The following POLR1C variants were observed in gnomAD, a reference collection of about 807,000 sequenced individuals.
POLR1C encodes the protein DNA-directed RNA polymerases I and III subunit RPAC1.
POLR1C carries 42 observed loss-of-function variants against 38.3 expected under a neutral mutation model. The ratio of observed to expected loss-of-function variants is 1.10; its 90% CI spans 0.86 to 1.42. The LOEUF is 1.42. Ranked by LOEUF, POLR1C falls within the 40% of genes most tolerant of loss-of-function variation. POLR1C has a pLI of 0.00. For missense variants in POLR1C, 507 were observed against 450.5 expected, an observed-to-expected ratio of 1.13 and a Z score of -1.14; for synonymous variants, 163 against 163.9, an observed-to-expected ratio of 0.99 and a Z score of 0.04.
At chr6:43,561,113 T>G in intron 10 of POLR1C, 1 of 948,060 alleles carries the variant, frequency 1.1e-6, no homozygotes. Flanking sequence ...AAAAATGTTG[T>G]TTCAAAAGGA....
intron 10 of POLR1C, chr6:43,560,866 G>A: frequency 7.5e-7 from 1 of 1,339,216 alleles, no homozygotes; most frequent in South Asian, 1.2e-5. Context: ...TCAGGACACA[G>A]TGCTTGACAT....
intron 8 of POLR1C, chr6:43,528,808 G>A (rs777099513): frequency 6.2e-7 from 1 of 1,609,568 alleles, no homozygotes; most frequent in South Asian, 1.1e-5. Context: ...TTTGCTTCCT[G>A]TTCCTGACTT....
chr6:43,522,217 T>C (rs1793231073), downstream of POLR1C: 2 of 152,452 alleles, frequency 1.3e-5, no homozygotes, highest in Admixed American at 6.5e-5. Flanking sequence ...TTCAGAAAGC[T>C]TGAAAGACCA....
chr6:43,523,964 C>G, downstream of POLR1C: 1 of 1,613,896 alleles, frequency 6.2e-7, no homozygotes, highest in Non-Finnish European at 8.5e-7. Context: ...AGGGAAGATT[C>G]TTAATGTGAA....
intron 10 of POLR1C, chr6:43,553,700 G>GAACCTTCACCTACCTCAT: frequency 2.4e-6 from 3 of 1,234,762 alleles, no homozygotes; most frequent in Non-Finnish European, 3.1e-6. Flanking sequence ...AATGAGGTAG[G>GAACCTTCACCTACCTCAT]TGAAGGTTCC....
At chr6:43,543,141 A>G (rs1202684528) in intron 9 of POLR1C, among the ~76,000 whole-genome samples, 1 of 152,196 alleles carries the variant, frequency 6.6e-6, no homozygotes, top group Non-Finnish European at 1.5e-5. Context: ...TCATTTTCAC[A>G]AAGTTCAAAA....
intron 10 of POLR1C, chr6:43,560,787 T>C (rs1447231157): frequency 1.9e-5 from 14 of 728,474 alleles, no homozygotes; most frequent in South Asian, 7.0e-5. Flanking sequence ...ATTCTCTTAA[T>C]GAAATGACAC....
chr6:43,520,571 T>G, intron 6 of POLR1C, 54 bp from the exon 7 acceptor site: 3 of 1,606,260 alleles, frequency 1.9e-6, no homozygotes, highest in Non-Finnish European at 2.6e-6. Flanking sequence ...AGGAGGAGTA[T>G]TCTTCCTAAC....
chr6:43,528,543 G>A (rs1394345268), intron 8 of POLR1C, among the ~76,000 whole-genome samples: 2 of 152,094 alleles, frequency 1.3e-5, no homozygotes, highest in African/African-American at 4.8e-5. Context: ...AGCATTCCTG[G>A]CAAGGGTCTG....
intron 10 of POLR1C, among the ~76,000 whole-genome samples, chr6:43,556,636 T>C (rs1204573425): frequency 2.6e-5 from 4 of 152,104 alleles, no homozygotes; most frequent in African/African-American, 9.7e-5. Context: ...AAACTTGCAA[T>C]TGCCATATTA....
intron 10 of POLR1C, among the ~76,000 whole-genome samples, chr6:43,556,389 G>T (rs898695986): frequency 6.6e-6 from 1 of 152,026 alleles, no homozygotes; most frequent in South Asian, 2.1e-4. Context: ...GCCAGGTGTG[G>T]TGGCATGCTC....
At chr6:43,525,650 A>T, downstream of POLR1C, 1 of 607,418 alleles carries the variant, frequency 1.6e-6, no homozygotes, top group Non-Finnish European at 2.8e-6. Context: ...GCTCCTGCCT[A>T]TGCTGGTATG....
chr6:43,552,637 G>A (rs1013569191), intron 10 of POLR1C, among the ~76,000 whole-genome samples: 1 of 152,236 alleles, frequency 6.6e-6, no homozygotes, highest in Non-Finnish European at 1.5e-5. Context: ...ACAGGCATGA[G>A]CTACTGCGCC....
chr6:43,531,333 T>C (rs1018002615), downstream of POLR1C: 17 of 723,112 alleles, frequency 2.4e-5, no homozygotes, highest in Non-Finnish European at 3.6e-5. Flanking sequence ...CAGGCTTTCA[T>C]TTCTATTTAA....
At chr6:43,547,596 G>A (rs1196876930) in intron 9 of POLR1C, 1 of 1,613,478 alleles carries the variant, frequency 6.2e-7, no homozygotes, top group African/African-American at 1.3e-5. Flanking sequence ...CCCATTCCCA[G>A]GAAAGTCTTA....
In POLR1C at chr6:43,520,271, C is replaced by T. The variant is rs950125476; in HGVS notation, c.503-4C>T. On this transcript the variant is annotated splice_region_variant and splice_polypyrimidine_tract_variant and intron_variant, in intron 5 of 8. Transcript: ENST00000642195. ...TGAGATCTTCTGACATGTTTTTCCT[C>T]CAGTGTATACCAGGCATATGACATG... 9.3e-6 allele frequency: 15 copies of T among 1,612,840 alleles called. No homozygotes were observed. The highest frequency in any genetic ancestry group is 1.3e-5 in the Non-Finnish European group (15 of 1,180,014).
downstream of POLR1C, chr6:43,531,347 T>C: frequency 2.5e-6 from 2 of 797,780 alleles, no homozygotes; most frequent in Non-Finnish European, 4.1e-6. Context: ...TATTTAACAC[T>C]AGAATGATAA....
chr6:43,551,135 A>T, intron 10 of POLR1C: 1 of 603,144 alleles, frequency 1.7e-6, no homozygotes. Context: ...GCATGCTTGT[A>T]GTCTCAGCTA....
downstream of POLR1C, chr6:43,526,342 C>CTTCAT: frequency 2.5e-6 from 1 of 395,852 alleles, no homozygotes; most frequent in Non-Finnish European, 4.7e-6. Flanking sequence ...GTGACAACTG[C>CTTCAT]TATGAAGAAG....
Sources: allele counts gnomAD v4.1 joint callset (sites outside exome capture counted in the v4.1 genomes callset), GRCh38; gene constraint gnomAD v4.1.1; transcripts MANE v1.5; gene names NCBI Gene and HGNC (gene_info 2026-07-23, HGNC 2026-07-21).